Variants in SBF1 observed in about 807,000 individuals in gnomAD.
SBF1 encodes the protein SET binding factor 1, also known as myotubularin-related protein 5.
In SBF1, 65 loss-of-function variants were observed where a neutral mutation model predicts 215.8. That is an observed-to-expected ratio of 0.30 (90% CI 0.25 to 0.37). The LOEUF is 0.37. SBF1 is among the 10% of genes least tolerant of loss of function. SBF1 has a pLI of 1.00. For synonymous variants in SBF1, 1,410 were observed against 1,122.8 expected, an observed-to-expected ratio of 1.26 and a Z score of -5.11; for missense variants, 2,634 against 2,667.8, an observed-to-expected ratio of 0.99 and a Z score of 0.28.
chr22:50,448,355 G>A lies in SBF1; in HGVS notation c.5241C>T (p.Thr1747=), dbSNP rs1000078416. The A allele has an allele frequency of 5.0e-6, 8 of 1,613,764 alleles. No homozygotes were observed. Among genetic ancestry groups the A allele is most frequent in the Non-Finnish European group, 6.8e-6 (8 of 1,180,032 alleles). ...VYLQEGPVGS[T]LSLSLDSDQS... is the part of the protein sequence containing the mutation. ...GGTCGCTGTCCAGGCTGAGGCTCAG[G>A]GTGGAGCCCACGGGCCCCTCCTGCA... The change falls in exon 38 of 41, where the codon ACC becomes ACT. Residue 1747 remains threonine, a synonymous_variant. Coordinates refer to ENST00000380817, the MANE Select transcript of SBF1 (RefSeq NM_002972.4).
In SBF1 at chr22:50,456,593, C is replaced by T. The variant is rs372950672; in HGVS notation, c.3985G>A (p.Ala1329Thr). Residue 1329 changes from alanine to threonine, a missense_variant, in exon 30 of 41, where the codon GCG (alanine) becomes ACG (threonine). Transcript: ENST00000380817. ...DVGSRLAGRD[A>T]LAPPQANGGP... ...CCGTTGGCCTGGGGTGGGGCCAGCG[C>T]GTCTCTGCCAGCTAGCCGGGAGCCC... The T allele has an allele frequency of 1.1e-4, 166 of 1,539,992 alleles. No homozygotes were observed. In the Middle Eastern group the frequency reaches 2.3e-3, roughly 21 times the overall value.
In SBF1 at chr22:50,462,050, T is replaced by G. The variant is rs764792318; in HGVS notation, c.2466A>C (p.Val822=). Residue 822 remains valine, a synonymous_variant, in exon 20 of 41, where the codon GTA becomes GTC. Transcript: ENST00000380817. ...SGFEDAETCD[V]AGAVVRFINR... is the part of the protein sequence containing the mutation. ...TGATGAAGCGGACCACAGCCCCAGC[T>G]ACGTCGCAGGTCTCTGCATCCTCGA... is the stretch of plus-strand genomic sequence containing the variant. The G allele has an allele frequency of 6.8e-6, 11 of 1,614,196 alleles. No individual in the cohort carries two copies. The highest frequency in any genetic ancestry group is 4.2e-6 in the Non-Finnish European group (5 of 1,180,036).
In SBF1 at chr22:50,461,553, T is replaced by A. The variant is rs2067513461; in HGVS notation, c.2809A>T (p.Ile937Phe). ...GGGTCCGTGGGCATCCCCGTGAAGA[T>A]GACCCGGTACGTGGTGAGGAAGACG... Reference protein sequence around the residue: ...GAVFLTTYRVIFTGMPTDPLV... With the variant: ...GAVFLTTYRVFFTGMPTDPLV... The change falls in exon 22 of 41, where the codon ATC becomes TTC. Residue 937 changes from isoleucine to phenylalanine, a missense_variant. By Grantham distance (21) the Ile-to-Phe change is conservative (BLOSUM62 0). Transcript: ENST00000380817. The A allele has an allele frequency of 6.2e-7, 1 of 1,605,932 alleles. No homozygotes were observed. Among genetic ancestry groups the A allele is most frequent in the African/African-American group, 1.3e-5 (1 of 74,764 alleles).
chr22:50,471,492 T>G (rs2067993012), intron 1 of SBF1, among the ~76,000 whole-genome samples: 1 of 152,088 alleles, frequency 6.6e-6, no homozygotes. Context: ...CCCACCACAC[T>G]CCCCACAGTG....
At position 50,466,213 on chromosome 22, in the gene SBF1, G is replaced by A. The variant is rs377479447; in HGVS notation, c.834C>T (p.Leu278=). The A allele has an allele frequency of 1.9e-4, 311 of 1,613,340 alleles. No individual in the cohort carries two copies. Among genetic ancestry groups the A allele is most frequent in the Non-Finnish European group, 2.4e-4 (288 of 1,180,058 alleles). Residue 278 remains leucine (L), a synonymous_variant, in exon 8 of 41, where the codon CTC becomes CTT. Coordinates refer to ENST00000380817, the MANE Select transcript of SBF1 (RefSeq NM_002972.4). ...CAATGATGAAGGGCGTGGGTGTGCTGAGGACCTCCAGCAGCTGAGCCGGCA... is the reference window on the plus strand; with the variant it reads ...CAATGATGAAGGGCGTGGGTGTGCTAAGGACCTCCAGCAGCTGAGCCGGCA... ...PILPAQLLEV[L]STPTPFIIGV...
intron 1 of SBF1, among the ~76,000 whole-genome samples, chr22:50,471,055 G>A (rs1456880395): frequency 6.6e-6 from 1 of 152,182 alleles, no homozygotes; most frequent in Non-Finnish European, 1.5e-5. Flanking sequence ...TCCAGCAGCT[G>A]AGCTCCTTGC....
At position 50,455,077 on chromosome 22, in the gene SBF1, G is replaced by A. The variant is rs1239809771; in HGVS notation, c.4620C>T (p.His1540=). 6.2e-7 allele frequency: 1 copy of A among 1,614,126 alleles called. No individual in the cohort carries two copies. The highest frequency in any genetic ancestry group is 1.7e-5 in the Admixed American group (1 of 60,026). Residue 1540 remains histidine (H), a synonymous_variant, in exon 34 of 41, where the codon CAC becomes CAT. Transcript: ENST00000380817. ...AGGTCCGGAAACGGCGGGACACATGGTGGTAGCCGAGGAACTTGAGGTAGA... is the reference window on the plus strand; with the variant it reads ...AGGTCCGGAAACGGCGGGACACATGATGGTAGCCGAGGAACTTGAGGTAGA... ...SQFYLKFLGY[H]HVSRRFRTFL...
chr22:50,447,566 G>A lies in SBF1; in HGVS notation c.5407C>T (p.Pro1803Ser), dbSNP rs2148550076. 4 of 1,613,086 alleles carry A rather than the reference G, an allele frequency of 2.5e-6. No individual in the cohort carries two copies. Among genetic ancestry groups the A allele is most frequent in the Non-Finnish European group, 3.4e-6 (4 of 1,179,776 alleles). ...TLYKKGAFMKPWKARWFVLDK... is the reference protein window; with the variant it reads ...TLYKKGAFMKSWKARWFVLDK... ...AGCACGAACCAGCGGGCCTTCCAAG[G>A]CTTCATGAAGGCCCCCTTCTTGTAC... is the stretch of plus-strand genomic sequence containing the variant. Residue 1803 changes from proline to serine, a missense_variant, in exon 39 of 41, where the codon CCT (proline) becomes TCT (serine). By Grantham distance (74) the Pro-to-Ser change is moderately conservative. Coordinates refer to ENST00000380817, the MANE Select transcript of SBF1 (RefSeq NM_002972.4).
At chr22:50,460,237 AG>A in intron 25 of SBF1, 34 bp downstream of exon 25, 1 of 1,600,924 alleles carries the variant, frequency 6.2e-7, no homozygotes, top group Non-Finnish European at 8.5e-7. Flanking sequence ...GTCAGCATCC[AG>A]AGACCACCCA....
At chr22:50,447,630 G>C (rs1165185703) in intron 38 of SBF1, 21 bp from the exon 39 acceptor site, 5 of 1,574,532 alleles carry the variant, frequency 3.2e-6, no homozygotes, top group Non-Finnish European at 4.3e-6. Flanking sequence ...AGCAGAACCA[G>C]GGCCAGGCTG....
chr22:50,466,337 G>T lies in SBF1; in HGVS notation c.788+13C>A, dbSNP rs556633552. ...GCCAGGAGAAGGGGCTGGGAGGGCC[G>T]GGCAGGGGTCACCTGTATCTGAGAG... On this transcript the variant is annotated intron_variant, in intron 7 of 40. Coordinates refer to ENST00000380817, the MANE Select transcript of SBF1 (RefSeq NM_002972.4). 2 of 1,586,638 alleles carry T rather than the reference G, an allele frequency of 1.3e-6. No individual in the cohort carries two copies. Among genetic ancestry groups the T allele is most frequent in the East Asian group, 2.3e-5 (1 of 43,244 alleles).
intron 10 of SBF1, 115 bp downstream of exon 10, chr22:50,465,648 C>A (rs2067716634): frequency 2.1e-6 from 2 of 967,610 alleles, no homozygotes; most frequent in Non-Finnish European, 3.1e-6. Flanking sequence ...CCTGCTTCTG[C>A]TACTGGAGCC....
At position 50,446,356 on chromosome 22, in the gene SBF1, T is replaced by TCGTCCCC. The variant is rs1491577679; in HGVS notation, c.*785_*786insGGGGACG. The TCGTCCCC allele has an allele frequency of 2.9e-5, 1 of 35,048 alleles. No individual in the cohort carries two copies. The highest frequency in any genetic ancestry group is 1.3e-4 in the African/African-American group (1 of 7,646). 2.2% of individuals were successfully genotyped at this position (35,048 alleles called of 1,614,324 possible). A position where few individuals can be genotyped will look rare whatever the true frequency, so the allele number is the denominator to read the frequency against. On this transcript the variant is annotated 3_prime_UTR_variant, in exon 41 of 41. Coordinates refer to ENST00000380817, the MANE Select transcript of SBF1 (RefSeq NM_002972.4). ...CCTGCATTCCCCTGGGAGCCCACTG[T>TCGTCCCC]CCCCCCCCCCCCCCCGCCTCCGGCC...
intron 29 of SBF1, 115 bp downstream of exon 29, chr22:50,456,919 G>C: frequency 1.1e-6 from 1 of 918,486 alleles, no homozygotes; most frequent in Non-Finnish European, 1.5e-6. Context: ...TCGGGAGACG[G>C]GTCGTTAGTG....
At position 50,467,444 on chromosome 22, in the gene SBF1, C is replaced by A. The variant is rs1569514054; in HGVS notation, c.443G>T (p.Ser148Ile). 1 of 1,614,062 alleles carries A rather than the reference C, an allele frequency of 6.2e-7. No homozygotes were observed. Among genetic ancestry groups the A allele is most frequent in the Admixed American group, 1.7e-5 (1 of 60,004 alleles). The change falls in exon 5 of 41, where the codon AGC becomes ATC. Residue 148 changes from serine to isoleucine, a missense_variant. By Grantham distance (142) the Ser-to-Ile change is moderately radical. Transcript: ENST00000380817. ...GTGGATGGCATAGATGAGGCCAAGG[C>A]TGTTCTGCAATGACCAGAGCGGGGA... Reference protein sequence around the residue: ...RLDHTEVFRNSLGLIYAIHVE... With the variant: ...RLDHTEVFRNILGLIYAIHVE...
Position 50,461,742 on chromosome 22 carries a change from C to T in SBF1, c.2644-24G>A, listed in dbSNP as rs746677792. The T allele has an allele frequency of 1.4e-5, 22 of 1,609,884 alleles. 1 individual carries two copies. In the Admixed American group the frequency reaches 3.3e-4, roughly 24 times the overall value. On this transcript the variant is annotated intron_variant, in intron 21 of 40. Coordinates refer to ENST00000380817, the MANE Select transcript of SBF1 (RefSeq NM_002972.4). ...GGCTGCTCGAAAACAAGAGCAGGAG[C>T]TCAGGATGCAGCCCGGGCCTTGGGC...
Position 50,461,617 on chromosome 22 carries a change from GC to G in SBF1, c.2744del (p.Gly915AlafsTer47). The G allele has an allele frequency of 6.2e-7, 1 of 1,611,390 alleles. No homozygotes were observed. ...GGAGCAATGCTGGTCCCCCAGCACT[GC>G]CCCCCGCGCCCTCCTCACGCCCATC... ...LPDGREEGAG[G>X]SAGGPALLPA... On this transcript the variant is annotated frameshift_variant, in exon 22 of 41. Coordinates refer to ENST00000380817, the MANE Select transcript of SBF1 (RefSeq NM_002972.4). LOFTEE classifies it high-confidence loss of function.
At chr22:50,469,901 G>C (rs1183557669) in intron 1 of SBF1, among the ~76,000 whole-genome samples, 1 of 152,222 alleles carries the variant, frequency 6.6e-6, no homozygotes, top group Non-Finnish European at 1.5e-5. Context: ...GCAGAGCCAA[G>C]GAAGTCGGCA....
intron 31 of SBF1, 197 bp from the exon 32 acceptor site, chr22:50,455,779 G>A: frequency 3.3e-6 from 2 of 610,334 alleles, no homozygotes; most frequent in Non-Finnish European, 5.8e-6. Flanking sequence ...CCAGCCTGCT[G>A]GTCACAGCCC....
Sources: gnomAD v4.1 joint callset for allele counts (sites outside exome capture counted in the v4.1 genomes callset) on GRCh38, gnomAD v4.1.1 for gene constraint, MANE v1.5 for transcripts, NCBI Gene and HGNC (gene_info 2026-07-23, HGNC 2026-07-21) for gene names.